The following GNAI2 variants were observed in gnomAD, a reference collection of about 807,000 sequenced individuals.
GNAI2 encodes the protein G protein subunit alpha i2, also known as guanine nucleotide-binding protein G(i) subunit alpha-2.
GNAI2 carries 4 observed loss-of-function variants against 36.8 expected under a neutral mutation model. The ratio of observed to expected loss-of-function variants is 0.11; its 90% CI spans 0.05 to 0.25. The LOEUF is 0.25. Among genes scored for constraint, GNAI2 ranks in the 10% least tolerant of loss-of-function variants. GNAI2 has a pLI of 1.00. For missense variants in GNAI2, 230 were observed against 481.3 expected (o/e 0.48, Z 4.89); for synonymous variants, 194 against 194.1 (o/e 1.00, Z 0.01).
rs954180873 is a variant in GNAI2 at position 50,236,633 on chromosome 3, C to T, written c.118+180C>T. On this transcript the variant is annotated intron_variant, in intron 1 of 8. Coordinates refer to ENST00000313601, the MANE Select transcript of GNAI2 (RefSeq NM_002070.4). This position sits in a 1 kb window ranked among gnomAD's most constrained non-coding sequence, Gnocchi z 4.0. ...CTAGACCTTTGATCCTGCCCAGACT[C>T]TAGACCAGACCCCTGTCTCATCCCA... is the stretch of plus-strand genomic sequence containing the variant. Among the ~76,000 whole-genome samples the T allele has an allele frequency of 6.6e-6, 1 of 152,106 alleles. No homozygotes were observed. Among genetic ancestry groups the T allele is most frequent in the African/African-American group, 2.4e-5 (1 of 41,400 alleles).
At chr3:50,256,433 G>C in intron 5 of GNAI2, 113 bp downstream of exon 5, 6 of 1,021,540 alleles carry the variant, frequency 5.9e-6, no homozygotes, top group Non-Finnish European at 9.2e-6. Context: ...CAAGGCTCAT[G>C]TGTTCTGGGC....
At position 50,256,256 on chromosome 3, in the gene GNAI2, C is replaced by T. The variant is rs782396665; in HGVS notation, c.529C>T (p.Arg177Trp). The T allele has an allele frequency of 2.5e-6, 4 of 1,584,940 alleles. No individual in the cohort carries two copies. The highest frequency in any genetic ancestry group is 2.3e-5 in the East Asian group (1 of 43,062). The change falls in exon 5 of 9, where the codon CGG becomes TGG. Residue 177 changes from arginine (R) to tryptophan (W), a missense_variant. Around this residue, in one of 4 missense-constraint regions of GNAI2, gnomAD observed 132 missense variants for 247.4 expected, o/e 0.53. Coordinates refer to ENST00000313601, the MANE Select transcript of GNAI2 (RefSeq NM_002070.4). ...DYIPTQQDVL[R>W]TRVKTTGIVE... is the part of the protein sequence containing the mutation. Reference sequence around the variant, plus strand: ...CATCCCCACACAGCAAGATGTGCTACGGACCCGCGTAAAGACCACGGGGAT... The same window carrying T: ...CATCCCCACACAGCAAGATGTGCTATGGACCCGCGTAAAGACCACGGGGAT...
At chr3:50,229,527 C>G (rs1700036271), upstream of GNAI2, 2 of 152,324 alleles carry the variant, frequency 1.3e-5, no homozygotes, top group South Asian at 4.1e-4. Flanking sequence ...TTTGGAACCC[C>G]CTGTGTGGCT....
chr3:50,236,207 C>T lies in GNAI2; in HGVS notation c.-129C>T, dbSNP rs1700162206. 8.5e-7 allele frequency: 1 copy of T among 1,181,550 alleles called. No individual in the cohort carries two copies. Among genetic ancestry groups the T allele is most frequent in the East Asian group, 3.8e-5 (1 of 26,292 alleles). 73.2% of individuals were successfully genotyped at this position (1,181,550 alleles called of 1,614,324 possible). ...CGGTAGGGAAGGCGCCTCCCGCAGT[C>T]GCTCGGAACTGCCGACCCGAGTGCT... On this transcript the variant is annotated 5_prime_UTR_variant, in exon 1 of 9. Coordinates refer to ENST00000313601, the MANE Select transcript of GNAI2 (RefSeq NM_002070.4). This position sits in a 1 kb window ranked among gnomAD's most constrained non-coding sequence, Gnocchi z 4.0.
intron 4 of GNAI2, among the ~76,000 whole-genome samples, chr3:50,254,153 C>T (rs1418460887): frequency 6.6e-6 from 1 of 152,148 alleles, no homozygotes; most frequent in Non-Finnish European, 1.5e-5. Context: ...TGCACCCTTT[C>T]CACAGTTCTG....
upstream of GNAI2, among the ~76,000 whole-genome samples, chr3:50,228,714 G>A (rs1700019719): frequency 6.6e-6 from 1 of 152,192 alleles, no homozygotes; most frequent in Non-Finnish European, 1.5e-5. Flanking sequence ...AGCCTGTCCT[G>A]TTGGCATGGC....
At chr3:50,239,388 C>T (rs587607109) in intron 1 of GNAI2, among the ~76,000 whole-genome samples, 1 of 152,360 alleles carries the variant, frequency 6.6e-6, no homozygotes, top group African/African-American at 2.4e-5. Context: ...CATCCTCCCT[C>T]GACCAAGGCT....
Position 50,258,822 on chromosome 3 carries a change from C to G in GNAI2, c.*479C>G, listed in dbSNP as rs587754349. ...GCCCCAAAGGAAAAAGCACAAGAAGCGTGAGACGCCACCATTCCTGGAAAC... is the reference window on the plus strand; with the variant it reads ...GCCCCAAAGGAAAAAGCACAAGAAGGGTGAGACGCCACCATTCCTGGAAAC... On this transcript the variant is annotated 3_prime_UTR_variant, in exon 9 of 9. Coordinates refer to ENST00000313601, the MANE Select transcript of GNAI2 (RefSeq NM_002070.4). 1.9e-4 allele frequency: 78 copies of G among 421,314 alleles called. No homozygotes were observed. The highest frequency in any genetic ancestry group is 3.5e-4 in the Non-Finnish European group (76 of 217,728). The allele number at this position is 421,314 out of a possible 1,614,324, so 26.1% of individuals were successfully genotyped here.
Position 50,253,289 on chromosome 3 carries a change from C to T in GNAI2, c.464+105C>T. The T allele has an allele frequency of 5.7e-6, 4 of 696,160 alleles. No homozygotes were observed. The highest frequency in any genetic ancestry group is 2.6e-5 in the South Asian group (1 of 39,186). The allele number at this position is 696,160 out of a possible 1,614,324, so 43.1% of individuals were successfully genotyped here. On this transcript the variant is annotated intron_variant, in intron 4 of 8. Coordinates refer to ENST00000313601, the MANE Select transcript of GNAI2 (RefSeq NM_002070.4). This position sits in a 1 kb window ranked among gnomAD's most constrained non-coding sequence, Gnocchi z 4.2. ...CCCAGAAGGACACTGCTGGTCTTTG[C>T]TTATGAAACCGATGACTGTTAACCA...
chr3:50,228,216 C>G (rs749234470), upstream of GNAI2, among the ~76,000 whole-genome samples: 1 of 152,206 alleles, frequency 6.6e-6, no homozygotes, highest in Non-Finnish European at 1.5e-5. Flanking sequence ...TCCTCAGGTT[C>G]TACTACTCAT....
rs1319625507 is a variant in GNAI2, at chr3:50,252,023, A to G, written c.119-77A>G. 3 of 1,395,414 alleles carry G rather than the reference A, an allele frequency of 2.1e-6. No individual in the cohort carries two copies. Among genetic ancestry groups the G allele is most frequent in the Admixed American group, 3.5e-5 (2 of 56,874 alleles). 86.4% of individuals were successfully genotyped at this position (1,395,414 alleles called of 1,614,324 possible). A position where few individuals can be genotyped will look rare whatever the true frequency, so the allele number is the denominator to read the frequency against. Reference sequence around the variant, plus strand: ...AGGTTAGTTCTGCCTCCTGGGCTACAGGTGTCTGGGCATTTGTTCTGTGCC... The same window carrying G: ...AGGTTAGTTCTGCCTCCTGGGCTACGGGTGTCTGGGCATTTGTTCTGTGCC... On this transcript the variant is annotated intron_variant, in intron 1 of 8. Coordinates refer to ENST00000313601, the MANE Select transcript of GNAI2 (RefSeq NM_002070.4). This position sits in a 1 kb window ranked among gnomAD's most constrained non-coding sequence, Gnocchi z 4.1.
chr3:50,236,208 G>T lies in GNAI2; in HGVS notation c.-128G>T. 1.7e-6 allele frequency: 2 copies of T among 1,181,194 alleles called. No homozygotes were observed. Among genetic ancestry groups the T allele is most frequent in the Non-Finnish European group, 2.1e-6 (2 of 956,168 alleles). 73.2% of individuals were successfully genotyped at this position (1,181,194 alleles called of 1,614,324 possible). On this transcript the variant is annotated 5_prime_UTR_variant, in exon 1 of 9. Coordinates refer to ENST00000313601, the MANE Select transcript of GNAI2 (RefSeq NM_002070.4). The surrounding 1 kb of genome is among the most constrained non-coding windows in gnomAD (Gnocchi z 4.0). ...GGTAGGGAAGGCGCCTCCCGCAGTC[G>T]CTCGGAACTGCCGACCCGAGTGCTT... is the stretch of plus-strand genomic sequence containing the variant.
chr3:50,258,962 C>G lies in GNAI2; in HGVS notation c.*619C>G, dbSNP rs1295916386. 2.2e-6 allele frequency: 1 copy of G among 450,980 alleles called. No individual in the cohort carries two copies. Among genetic ancestry groups the G allele is most frequent in the Non-Finnish European group, 4.4e-6 (1 of 225,506 alleles). The allele number at this position is 450,980 out of a possible 1,614,324, so 27.9% of individuals were successfully genotyped here. On this transcript the variant is annotated 3_prime_UTR_variant, in exon 9 of 9. Coordinates refer to ENST00000313601, the MANE Select transcript of GNAI2 (RefSeq NM_002070.4). ...AAAAACTATTTAAAACTGTCAGATCCTGACCAGCAAGCCCCCCCCCAGCCC... is the reference window on the plus strand; with the variant it reads ...AAAAACTATTTAAAACTGTCAGATCGTGACCAGCAAGCCCCCCCCCAGCCC...
At chr3:50,257,180 C>T (rs1700722930) in intron 7 of GNAI2, 90 bp downstream of exon 7, 6 of 1,141,194 alleles carry the variant, frequency 5.3e-6, no homozygotes, top group Admixed American at 1.9e-5. Context: ...GCGCCCCCCA[C>T]TGGACAGAAG....
Position 50,258,904 on chromosome 3 carries a change from A to G in GNAI2, c.*561A>G, listed in dbSNP as rs1309158701. 2.3e-6 allele frequency: 1 copy of G among 444,054 alleles called. No homozygotes were observed. The highest frequency in any genetic ancestry group is 7.0e-5 in the East Asian group (1 of 14,350). 27.5% of individuals were successfully genotyped at this position (444,054 alleles called of 1,614,324 possible). A position where few individuals can be genotyped will look rare whatever the true frequency, so the allele number is the denominator to read the frequency against. ...TAAAAAAATGAAAGTAAAGGAAAAAAAAAAAACTGCAAATCTAGAAAACTT... is the reference window on the plus strand; with the variant it reads ...TAAAAAAATGAAAGTAAAGGAAAAAGAAAAAACTGCAAATCTAGAAAACTT... On this transcript the variant is annotated 3_prime_UTR_variant, in exon 9 of 9. Coordinates refer to ENST00000313601, the MANE Select transcript of GNAI2 (RefSeq NM_002070.4).
Position 50,253,323 on chromosome 3 carries a change from C to T in GNAI2, c.464+139C>T. 2.1e-4 allele frequency: 74 copies of T among 347,800 alleles called. No individual in the cohort carries two copies. The highest frequency in any genetic ancestry group is 9.2e-4 in the South Asian group (19 of 20,550). The allele number at this position is 347,800 out of a possible 1,614,324, so 21.5% of individuals were successfully genotyped here. A position where few individuals can be genotyped will look rare whatever the true frequency, so the allele number is the denominator to read the frequency against. On this transcript the variant is annotated intron_variant, in intron 4 of 8. Transcript: ENST00000313601. The surrounding 1 kb of genome is among the most constrained non-coding windows in gnomAD (Gnocchi z 4.2). ...CCGATGACTGTTAACCAAGGCCTTCCTGTTTTTTGGTTTGGGGGGTGGGTG... is the reference window on the plus strand; with the variant it reads ...CCGATGACTGTTAACCAAGGCCTTCTTGTTTTTTGGTTTGGGGGGTGGGTG...
upstream of GNAI2, among the ~76,000 whole-genome samples, chr3:50,235,619 C>CT (rs1276653760): frequency 6.3e-3 from 958 of 151,704 alleles, 10 homozygotes; most frequent in African/African-American, 0.021. Flanking sequence ...TGCGCCCGGC[C>CT]TTTTTTTTTC....
At chr3:50,230,799 GGGGTCAAGTCAT>G in exon 1 of GNAI2, 1 of 985,452 alleles carries the variant, frequency 1.0e-6, no homozygotes, top group South Asian at 4.7e-5. Flanking sequence ...TGGTGGGCAT[GGGGTCAAGTCAT>G]GCCTCCTCTG....
chr3:50,256,282 C>A lies in GNAI2; in HGVS notation c.555C>A (p.Ile185=). The A allele has an allele frequency of 1.2e-6, 2 of 1,612,916 alleles. No individual in the cohort carries two copies. Among genetic ancestry groups the A allele is most frequent in the South Asian group, 1.1e-5 (1 of 91,052 alleles). ...VLRTRVKTTG[I]VETHFTFKDL... is the part of the protein sequence containing the mutation. ...GGACCCGCGTAAAGACCACGGGGAT[C>A]GTGGAGACACACTTCACCTTCAAGG... The change falls in exon 5 of 9, where the codon ATC becomes ATA. Residue 185 remains isoleucine, a synonymous_variant. Coordinates refer to ENST00000313601, the MANE Select transcript of GNAI2 (RefSeq NM_002070.4).
Sources: allele counts gnomAD v4.1 joint callset (sites outside exome capture counted in the v4.1 genomes callset), GRCh38; gene constraint gnomAD v4.1.1; regional missense constraint gnomAD v4.1.1; non-coding constraint Gnocchi (gnomAD v3.1); transcripts MANE v1.5; gene names NCBI Gene and HGNC (gene_info 2026-07-23, HGNC 2026-07-21).